Variants in MYO10 observed in about 807,000 individuals in gnomAD.
MYO10 encodes the protein myosin X, also known as unconventional myosin-X.
MYO10 carries 133 observed loss-of-function variants against 257.3 expected under a neutral mutation model. The ratio of observed to expected loss-of-function variants is 0.52; its 90% CI spans 0.45 to 0.60. The LOEUF is 0.60. Ranked by LOEUF, MYO10 falls within the 20% of genes least tolerant of loss-of-function variation. The pLI is 0.00. For synonymous variants in MYO10, 1,104 were observed against 1,028.6 expected (o/e 1.07, Z -1.40); for missense variants, 2,399 against 2,635.7 (o/e 0.91, Z 1.97).
intron 2 of MYO10, among the ~76,000 whole-genome samples, chr5:16,845,079 T>G (rs1743594209): frequency 6.6e-6 from 1 of 152,078 alleles, no homozygotes; most frequent in African/African-American, 2.4e-5. Flanking sequence ...AACCTTACCT[T>G]TAAGCAAAGG....
At chr5:16,928,749 G>C (rs2434965) in intron 1 of MYO10, among the ~76,000 whole-genome samples, 70,651 of 150,386 alleles carry the variant, frequency 0.47, 16,900 homozygotes, top group African/African-American at 0.53. Flanking sequence ...GGAGGCTAAG[G>C]CAGGAGAATC....
chr5:16,854,752 C>A (rs940272927), intron 2 of MYO10, among the ~76,000 whole-genome samples: 1 of 152,134 alleles, frequency 6.6e-6, no homozygotes, highest in African/African-American at 2.4e-5. Context: ...AAACTATTGG[C>A]CGGGCATGGT....
chr5:16,669,252 C>T (rs1295672876), intron 39 of MYO10, among the ~76,000 whole-genome samples: 5 of 151,590 alleles, frequency 3.3e-5, no homozygotes, highest in East Asian at 1.9e-4. Flanking sequence ...CTCACTCTGT[C>T]GCCCAGGCTG....
At chr5:16,700,862 GCA>G (rs1452791256) in intron 25 of MYO10, 99 bp downstream of exon 25, 14 of 1,333,326 alleles carry the variant, frequency 1.1e-5, no homozygotes, top group African/African-American at 3.0e-5. Context: ...TGCAATCTTT[GCA>G]CAGATATCCT....
chr5:16,858,321 C>T (rs73062916), intron 2 of MYO10, among the ~76,000 whole-genome samples: 6,015 of 152,022 alleles, frequency 0.04, 432 homozygotes, highest in African/African-American at 0.14. Context: ...GTTTGCTGCC[C>T]CTGTTCAGTC....
intron 3 of MYO10, among the ~76,000 whole-genome samples, chr5:16,812,654 C>G (rs1742475638): frequency 6.6e-6 from 1 of 152,136 alleles, no homozygotes; most frequent in Non-Finnish European, 1.5e-5. Flanking sequence ...TAAAATGGAG[C>G]CAAGTTCGAG....
chr5:16,792,061 G>C (rs778367746), intron 4 of MYO10, among the ~76,000 whole-genome samples: 2 of 151,116 alleles, frequency 1.3e-5, no homozygotes, highest in South Asian at 2.1e-4. Flanking sequence ...GTAACGAGAA[G>C]ACAGTACCTC....
chr5:16,673,981 C>G lies in MYO10; in HGVS notation c.4965-92G>C, dbSNP rs1736601070. On this transcript the variant is annotated intron_variant, in intron 35 of 40. Coordinates refer to ENST00000513610, the MANE Select transcript of MYO10 (RefSeq NM_012334.3). ...TGTGCCAAGGTTCTGTAGACCAAAGCAGTGAATGGTCCCCCACTGGTGAAT... is the reference window on the plus strand; with the variant it reads ...TGTGCCAAGGTTCTGTAGACCAAAGGAGTGAATGGTCCCCCACTGGTGAAT... 18 of 1,103,082 alleles carry G rather than the reference C, an allele frequency of 1.6e-5. No homozygotes were observed. In the African/African-American group the frequency reaches 1.7e-4, roughly 10 times the overall value. 68.3% of individuals were successfully genotyped at this position (1,103,082 alleles called of 1,614,324 possible). A position where few individuals can be genotyped will look rare whatever the true frequency, so the allele number is the denominator to read the frequency against.
In MYO10 at chr5:16,833,223, T is replaced by C. The variant is rs931974298; in HGVS notation, c.121-15056A>G. The stretch of plus-strand genomic sequence containing the variant: ...AATATATTTTACTAGGTTTGTTTTT[T>C]TTTTTTTTGAGATTGAGTCTTACTC... On this transcript the variant is annotated intron_variant, in intron 2 of 40. Coordinates refer to ENST00000513610, the MANE Select transcript of MYO10 (RefSeq NM_012334.3). 9.1e-4 allele frequency among the ~76,000 whole-genome samples: 139 copies of C among 152,086 alleles called. 1 individual carries two copies. The highest frequency in any genetic ancestry group is 3.3e-3 in the African/African-American group (138 of 41,500).
chr5:16,925,639 T>C (rs1746110861), intron 1 of MYO10, among the ~76,000 whole-genome samples: 2 of 152,136 alleles, frequency 1.3e-5, no homozygotes, highest in Non-Finnish European at 2.9e-5. Flanking sequence ...CTCGAACTCC[T>C]GACCTCAGGT....
At chr5:16,753,070 C>G (rs1330321829) in intron 19 of MYO10, among the ~76,000 whole-genome samples, 1 of 152,194 alleles carries the variant, frequency 6.6e-6, no homozygotes, top group Admixed American at 6.5e-5. Flanking sequence ...AGTAAGGTAA[C>G]AAACTGAACA....
rs1269438441 is a variant in MYO10 at position 16,702,926 on chromosome 5, TTTC to T, written c.2506_2508del (p.Glu836del). 7.7e-6 allele frequency: 12 copies of T among 1,551,006 alleles called. No individual in the cohort carries two copies. Among genetic ancestry groups the T allele is most frequent in the Non-Finnish European group, 9.6e-6 (11 of 1,146,682 alleles). On this transcript the variant is annotated inframe_deletion and splice_region_variant, in exon 23 of 41. Coordinates refer to ENST00000513610, the MANE Select transcript of MYO10 (RefSeq NM_012334.3). ...ATCCCAGCAAGAAAGGTACTGTACC[TTTC>T]TTCTTCCTCCCGTTTCTTCTTTTCT...
rs1385570298 is a variant in MYO10, at chr5:16,882,834, C to CTG, written c.22-5129_22-5128dup. Among the ~76,000 whole-genome samples, 21 of 151,964 alleles carry CTG rather than the reference C, an allele frequency of 1.4e-4. No individual in the cohort carries two copies. In the East Asian group the frequency reaches 3.9e-3, roughly 28 times the overall value. On this transcript the variant is annotated intron_variant, in intron 1 of 40. Coordinates refer to ENST00000513610, the MANE Select transcript of MYO10 (RefSeq NM_012334.3). ...ATGGCTGCACAATTATATACATGTG[C>CTG]TGAAAATCATTCTACTGGGCACCTA...
chr5:16,765,221 G>A (rs1012431032), intron 11 of MYO10, among the ~76,000 whole-genome samples: 3 of 152,278 alleles, frequency 2.0e-5, no homozygotes, highest in African/African-American at 4.8e-5. Context: ...CAGTGGGCTA[G>A]GGAAGGCACA....
In MYO10 at chr5:16,893,196, C is replaced by CAAAAAA. The variant is rs59761183; in HGVS notation, c.22-15495_22-15490dup. On this transcript the variant is annotated intron_variant, in intron 1 of 40. Transcript: ENST00000513610. ...TGGGTGACACAGTGAGACTCTGTCT[C>CAAAAAA]AAAAAAAAAAAAAAAAAAAGAACTT... Among the ~76,000 whole-genome samples, 83 of 69,528 alleles carry CAAAAAA rather than the reference C, an allele frequency of 1.2e-3. 2 individuals carry two copies. Among genetic ancestry groups the CAAAAAA allele is most frequent in the African/African-American group, 3.5e-3 (67 of 19,408 alleles). 45.6% of individuals were successfully genotyped at this position (69,528 alleles called of 152,430 possible).
intron 19 of MYO10, chr5:16,742,072 C>T: frequency 1.0e-6 from 1 of 985,340 alleles, no homozygotes; most frequent in Non-Finnish European, 1.2e-6. Context: ...ATCATGCACG[C>T]ATCAACAAAT....
chr5:16,686,405 G>T (rs1192506769), intron 28 of MYO10, among the ~76,000 whole-genome samples: 5 of 152,082 alleles, frequency 3.3e-5, no homozygotes, highest in African/African-American at 1.2e-4. Flanking sequence ...TCAGATTAGG[G>T]ATGCTTAACC....
At chr5:16,830,769 T>C (rs1743142880) in intron 2 of MYO10, among the ~76,000 whole-genome samples, 1 of 151,920 alleles carries the variant, frequency 6.6e-6, no homozygotes. Flanking sequence ...ACACAAATAT[T>C]TATAGCACAT....
Position 16,935,977 on chromosome 5 carries a change from G to C in MYO10, c.-169C>G. ...TCCCTTCTTGTCCTTCTCACCTTTT[G>C]TTCGCCCAAACCCAAGTCCCTAACT... On this transcript the variant is annotated 5_prime_UTR_variant, in exon 1 of 41. Transcript: ENST00000513610. The C allele has an allele frequency of 2.6e-6, 2 of 779,730 alleles. No homozygotes were observed. The highest frequency in any genetic ancestry group is 2.1e-6 in the Non-Finnish European group (1 of 480,696). 48.3% of individuals were successfully genotyped at this position (779,730 alleles called of 1,614,324 possible). A position where few individuals can be genotyped will look rare whatever the true frequency, so the allele number is the denominator to read the frequency against.
Sources: allele counts gnomAD v4.1 joint callset (sites outside exome capture counted in the v4.1 genomes callset), GRCh38; gene constraint gnomAD v4.1.1; transcripts MANE v1.5; gene names NCBI Gene and HGNC (gene_info 2026-07-23, HGNC 2026-07-21).